The following UNC13C variants were observed in gnomAD, a reference collection of about 807,000 sequenced individuals.
The protein encoded by UNC13C is protein unc-13 homolog C.
UNC13C carries 174 observed loss-of-function variants against 245.4 expected under a neutral mutation model. That is an observed-to-expected ratio of 0.71 (90% confidence interval 0.63 to 0.80). UNC13C has a LOEUF of 0.80. UNC13C is among the 30% of genes least tolerant of loss of function. The probability of loss-of-function intolerance (pLI) is 0.00; values close to 1 mark genes in which losing one functional copy is unlikely to be tolerated. For missense variants in UNC13C, 2,829 were observed against 2,602.9 expected (o/e 1.09, Z -1.89); for synonymous variants, 992 against 895.1 (o/e 1.11, Z -1.93).
At chr15:53,948,385 G>A in the UNC13C span, 3 of 152,078 alleles carry the variant, frequency 2.0e-5, no homozygotes, top group African/African-American at 4.8e-5. Context: ...GGTAGGCCGA[G>A]GGGGGCGGAT....
intron 30 of UNC13C, among the ~76,000 whole-genome samples, chr15:54,620,041 A>G (rs1203160137): frequency 6.6e-6 from 1 of 152,152 alleles, no homozygotes; most frequent in East Asian, 1.9e-4. Context: ...TCCTCATTGC[A>G]CTTTAGGGTT....
At chr15:54,474,321 G>T (rs565371675) in intron 19 of UNC13C, among the ~76,000 whole-genome samples, 1 of 151,530 alleles carries the variant, frequency 6.6e-6, no homozygotes. Flanking sequence ...TTTTCTCTGC[G>T]TCCTCACCAG....
intron 2 of UNC13C, among the ~76,000 whole-genome samples, chr15:54,140,291 G>C (rs981008888): frequency 1.3e-4 from 20 of 152,056 alleles, no homozygotes; most frequent in African/African-American, 4.8e-4. Context: ...CCATTATTCA[G>C]ATTTTTAGCT....
rs548260467 is a variant in UNC13C, at chr15:54,230,740, A to G, written c.3072-4290A>G. ...AAATATTTAAAGTATGTTGGCTAAGAGTGTATATTTTAAAGGTCTCGCTAC... is the reference window on the plus strand; with the variant it reads ...AAATATTTAAAGTATGTTGGCTAAGGGTGTATATTTTAAAGGTCTCGCTAC... On this transcript the variant is annotated intron_variant, in intron 4 of 32. Coordinates refer to ENST00000260323, the MANE Select transcript of UNC13C (RefSeq NM_001080534.3). Among the ~76,000 whole-genome samples, 5 of 152,140 alleles carry G rather than the reference A, an allele frequency of 3.3e-5. No individual in the cohort carries two copies. In the South Asian group the frequency reaches 6.2e-4, roughly 19 times the overall value.
At chr15:54,111,844 C>T (rs966722823) in intron 2 of UNC13C, among the ~76,000 whole-genome samples, 1 of 152,088 alleles carries the variant, frequency 6.6e-6, no homozygotes. Context: ...TGCCCTTCCC[C>T]AAAAGGTGGG....
chr15:54,121,235 AACCACC>A (rs1310084855), intron 2 of UNC13C, among the ~76,000 whole-genome samples: 3 of 152,170 alleles, frequency 2.0e-5, no homozygotes, highest in Non-Finnish European at 4.4e-5. Flanking sequence ...ACACTTCAAC[AACCACC>A]ACCCTGATTA....
chr15:53,856,421 C>A, the UNC13C span, among the ~76,000 whole-genome samples: 1 of 151,706 alleles, frequency 6.6e-6, no homozygotes, highest in East Asian at 1.9e-4. Context: ...TGAGATCTTT[C>A]TAGCTTTTTG....
chr15:53,902,305 G>C, the UNC13C span, among the ~76,000 whole-genome samples: 1 of 152,116 alleles, frequency 6.6e-6, no homozygotes, highest in Admixed American at 6.6e-5. Context: ...AGATACAGGA[G>C]ACAGACAGAT....
intron 1 of UNC13C, among the ~76,000 whole-genome samples, chr15:53,980,895 A>G (rs532845508): frequency 6.6e-6 from 1 of 152,294 alleles, no homozygotes; most frequent in South Asian, 2.1e-4. Flanking sequence ...AATGTGAAGC[A>G]ATATAGTTTG....
At chr15:54,347,970 A>G (rs1223459657) in intron 17 of UNC13C, among the ~76,000 whole-genome samples, 2 of 152,176 alleles carry the variant, frequency 1.3e-5, no homozygotes, top group African/African-American at 4.8e-5. Flanking sequence ...GATATAATAC[A>G]TTTTAGAAAT....
intron 28 of UNC13C, among the ~76,000 whole-genome samples, chr15:54,553,393 T>A (rs1029329663): frequency 5.4e-5 from 7 of 130,002 alleles, no homozygotes; most frequent in Non-Finnish European, 1.1e-4. Context: ...TGTATTAGTA[T>A]ATTATATTAT....
chr15:54,594,538 C>A (rs546362982), intron 30 of UNC13C, among the ~76,000 whole-genome samples: 2 of 152,124 alleles, frequency 1.3e-5, no homozygotes, highest in East Asian at 3.9e-4. Context: ...AGTCCCAGGT[C>A]ACTGAAGTTG....
intron 25 of UNC13C, among the ~76,000 whole-genome samples, chr15:54,527,145 G>A (rs577596175): frequency 1.6e-4 from 24 of 152,190 alleles, no homozygotes; most frequent in African/African-American, 4.3e-4. Context: ...CTACTTCACC[G>A]GGATGTTAGT....
At chr15:54,056,462 A>T (rs1897529288) in intron 2 of UNC13C, among the ~76,000 whole-genome samples, 4 of 152,338 alleles carry the variant, frequency 2.6e-5, no homozygotes, top group Middle Eastern at 6.8e-3. Context: ...GGACTATGTG[A>T]AAAGACCAAA....
At chr15:53,893,196 A>T in the UNC13C span, among the ~76,000 whole-genome samples, 1 of 152,192 alleles carries the variant, frequency 6.6e-6, no homozygotes, top group Non-Finnish European at 1.5e-5. Flanking sequence ...GCAGAACAGC[A>T]AAGATTACTG....
rs571501397 is a variant in UNC13C, at chr15:54,006,955, G to T, written c.-256-5693G>T. ...TGCACCTTTTCTGCACTTTGTGAGGGTTGCTTCCTTCTCTGTTGCAGTGAT... is the reference window on the plus strand; with the variant it reads ...TGCACCTTTTCTGCACTTTGTGAGGTTTGCTTCCTTCTCTGTTGCAGTGAT... On this transcript the variant is annotated intron_variant, in intron 1 of 32. Transcript: ENST00000260323. Among the ~76,000 whole-genome samples, 124 of 152,298 alleles carry T rather than the reference G, an allele frequency of 8.1e-4. 6 individuals are homozygous for T. The South Asian group carries it at 0.025, about 31-fold the overall frequency.
intron 4 of UNC13C, among the ~76,000 whole-genome samples, chr15:54,210,776 G>T (rs755473936): frequency 3.9e-5 from 6 of 152,092 alleles, no homozygotes; most frequent in Non-Finnish European, 8.8e-5. Context: ...GTTATTCATG[G>T]CAAAGCAGAC....
At chr15:53,994,031 C>A (rs1341593475) in intron 1 of UNC13C, among the ~76,000 whole-genome samples, 1 of 151,928 alleles carries the variant, frequency 6.6e-6, no homozygotes, top group African/African-American at 2.4e-5. Context: ...TTCTTAATTT[C>A]TTCCTATTAT....
chr15:54,370,521 C>G (rs975246546), intron 17 of UNC13C, among the ~76,000 whole-genome samples: 1 of 152,160 alleles, frequency 6.6e-6, no homozygotes, highest in Admixed American at 6.5e-5. Flanking sequence ...ACAGTTATAT[C>G]ATGATACGAT....
Sources: gnomAD v4.1 joint callset for allele counts (sites outside exome capture counted in the v4.1 genomes callset) on GRCh38, gnomAD v4.1.1 for gene constraint, MANE v1.5 for transcripts, NCBI Gene and HGNC (gene_info 2026-07-23, HGNC 2026-07-21) for gene names.